The following CDH12 variants were observed in gnomAD, a reference collection of about 807,000 sequenced individuals.
CDH12 encodes cadherin-12.
In CDH12, 41 loss-of-function variants were observed where a neutral mutation model predicts 74.1. That is an observed-to-expected ratio of 0.55 (90% confidence interval 0.43 to 0.72). The LOEUF is 0.72. Ranked by LOEUF, CDH12 falls within the 30% of genes least tolerant of loss-of-function variation. The pLI is 0.00. For missense variants in CDH12, 945 were observed against 977.2 expected, an observed-to-expected ratio of 0.97 and a Z score of 0.44; for synonymous variants, 399 against 355.0, an observed-to-expected ratio of 1.12 and a Z score of -1.39.
intron 8 of CDH12, among the ~76,000 whole-genome samples, chr5:21,818,802 TA>T (rs1461620154): frequency 6.6e-6 from 1 of 151,650 alleles, no homozygotes; most frequent in Admixed American, 6.6e-5. Flanking sequence ...TTTAAATAAA[TA>T]AAAAAATAAA....
chr5:22,205,797 C>T (rs564517332), intron 4 of CDH12, among the ~76,000 whole-genome samples: 4 of 152,068 alleles, frequency 2.6e-5, no homozygotes, highest in African/African-American at 9.6e-5. Flanking sequence ...ATGCTATATA[C>T]AAAAACTTCT....
At chr5:22,275,034 G>A (rs1736567438) in intron 3 of CDH12, among the ~76,000 whole-genome samples, 1 of 152,096 alleles carries the variant, frequency 6.6e-6, no homozygotes, top group Admixed American at 6.5e-5. Context: ...TATGAAAAGT[G>A]CACCAGCTTC....
At chr5:22,291,280 T>C (rs946967119) in intron 3 of CDH12, among the ~76,000 whole-genome samples, 2 of 152,072 alleles carry the variant, frequency 1.3e-5, no homozygotes, top group Non-Finnish European at 2.9e-5. Context: ...CCTAAAAGTG[T>C]CTTCTCTGAG....
chr5:22,729,891 C>T (rs188228411), intron 1 of CDH12, among the ~76,000 whole-genome samples: 13 of 151,908 alleles, frequency 8.6e-5, no homozygotes, highest in African/African-American at 2.4e-4. Context: ...TTTGAAGTGA[C>T]ATTACCTACC....
chr5:22,368,792 G>T (rs977497886), intron 3 of CDH12, among the ~76,000 whole-genome samples: 1 of 137,034 alleles, frequency 7.3e-6, no homozygotes, highest in Non-Finnish European at 1.7e-5. Context: ...GACCTCAAAA[G>T]TGCCGGGTCT....
chr5:22,197,251 T>C (rs1174388218), intron 4 of CDH12, among the ~76,000 whole-genome samples: 1 of 151,928 alleles, frequency 6.6e-6, no homozygotes, highest in East Asian at 1.9e-4. Context: ...GAGTCCATCC[T>C]GGCTAACACA....
intron 1 of CDH12, among the ~76,000 whole-genome samples, chr5:22,794,794 A>G (rs1748101799): frequency 6.6e-6 from 1 of 152,184 alleles, no homozygotes. Flanking sequence ...AAAGTAAGGT[A>G]CTAGCAGTGG....
intron 1 of CDH12, among the ~76,000 whole-genome samples, chr5:22,820,805 A>T (rs1174180287): frequency 6.6e-6 from 1 of 152,210 alleles, no homozygotes. Flanking sequence ...TACCAGAGGT[A>T]CAAGGAGGAA....
chr5:21,816,204 T>C (rs1266893567), intron 9 of CDH12, among the ~76,000 whole-genome samples: 1 of 152,116 alleles, frequency 6.6e-6, no homozygotes, highest in Non-Finnish European at 1.5e-5. Flanking sequence ...GCCTACTCAA[T>C]GTGAAGATGA....
intron 1 of CDH12, among the ~76,000 whole-genome samples, chr5:22,650,581 T>A (rs968209015): frequency 6.6e-6 from 1 of 152,070 alleles, no homozygotes; most frequent in Admixed American, 6.6e-5. Context: ...GCTGTAGGCA[T>A]TTAGAAGTTA....
At chr5:22,282,419 C>G (rs1207277154) in intron 3 of CDH12, among the ~76,000 whole-genome samples, 1 of 152,156 alleles carries the variant, frequency 6.6e-6, no homozygotes. Context: ...TAAAGAGCTT[C>G]TGCACAGCAA....
intron 5 of CDH12, among the ~76,000 whole-genome samples, chr5:22,036,051 T>C (rs1318695581): frequency 6.6e-6 from 1 of 152,192 alleles, no homozygotes; most frequent in East Asian, 1.9e-4. Flanking sequence ...ATAAGGGCCA[T>C]TAACTGTCTT....
intron 1 of CDH12, among the ~76,000 whole-genome samples, chr5:22,695,080 A>T (rs1441123709): frequency 6.6e-6 from 1 of 151,990 alleles, no homozygotes; most frequent in African/African-American, 2.4e-5. Flanking sequence ...ATGAGTGATA[A>T]AATGTGGTGT....
chr5:22,502,575 T>C (rs1040309277), intron 2 of CDH12, among the ~76,000 whole-genome samples: 1 of 151,986 alleles, frequency 6.6e-6, no homozygotes, highest in Admixed American at 6.6e-5. Context: ...TAGAATTAAA[T>C]TGGTGCTCCC....
intron 1 of CDH12, among the ~76,000 whole-genome samples, chr5:22,756,844 C>T (rs1481203913): frequency 6.6e-6 from 1 of 151,790 alleles, no homozygotes; most frequent in East Asian, 1.9e-4. Flanking sequence ...CCTGTAATCC[C>T]AACTACTCAG....
intron 1 of CDH12, among the ~76,000 whole-genome samples, chr5:22,617,049 T>G: frequency 6.6e-6 from 1 of 151,826 alleles, no homozygotes; most frequent in East Asian, 1.9e-4. Flanking sequence ...TGTTTTTAAT[T>G]TTTTTTGTAC....
intron 1 of CDH12, among the ~76,000 whole-genome samples, chr5:22,586,837 ATTTTT>A: frequency 9.5e-6 from 1 of 105,432 alleles, no homozygotes; most frequent in East Asian, 2.9e-4. Flanking sequence ...TTAGAGGAGG[ATTTTT>A]TTTTTTTTTT....
At chr5:22,182,620 C>A (rs1295540462) in intron 4 of CDH12, among the ~76,000 whole-genome samples, 1 of 152,036 alleles carries the variant, frequency 6.6e-6, no homozygotes, top group Non-Finnish European at 1.5e-5. Context: ...TGCAGGTGTT[C>A]TAAAAATAGG....
chr5:22,696,117 C>T (rs1742342975), intron 1 of CDH12, among the ~76,000 whole-genome samples: 1 of 151,962 alleles, frequency 6.6e-6, no homozygotes. Context: ...GCCTGTAATC[C>T]CTGCACTTTG....
Sources: allele counts gnomAD v4.1 joint callset (sites outside exome capture counted in the v4.1 genomes callset), GRCh38; gene constraint gnomAD v4.1.1; transcripts MANE v1.5; gene names NCBI Gene and HGNC (gene_info 2026-07-23, HGNC 2026-07-21).